Variants in CACNA1D observed in about 807,000 individuals in gnomAD.
The protein encoded by CACNA1D is voltage-dependent L-type calcium channel subunit alpha-1D.
A neutral mutation model predicts 257.1 loss-of-function variants in CACNA1D; 55 were observed. That is an observed-to-expected ratio of 0.21 (90% CI 0.17 to 0.27). The LOEUF (loss-of-function observed/expected upper bound fraction) is 0.27, where lower values mean the gene tolerates loss of function less well. Ranked by LOEUF, CACNA1D falls within the 10% of genes least tolerant of loss-of-function variation. CACNA1D has a pLI of 1.00. For missense variants in CACNA1D, 1,876 were observed against 2,784.0 expected (o/e 0.67, Z 7.34); for synonymous variants, 980 against 1,014.9 (o/e 0.97, Z 0.65).
intron 3 of CACNA1D, among the ~76,000 whole-genome samples, chr3:53,599,018 T>C (rs1249063769): frequency 6.6e-6 from 1 of 151,958 alleles, no homozygotes; most frequent in Non-Finnish European, 1.5e-5. Flanking sequence ...GTGTGCCTTT[T>C]TTTTTTTTAA....
At position 53,703,307 on chromosome 3, in the gene CACNA1D, A is replaced by C. The variant is rs532609499; in HGVS notation, c.1390+497A>C. 3.9e-5 allele frequency among the ~76,000 whole-genome samples: 6 copies of C among 152,310 alleles called. No homozygotes were observed. In the East Asian group the frequency reaches 7.7e-4, roughly 20 times the overall value. On this transcript the variant is annotated intron_variant, in intron 9 of 47. Transcript: ENST00000350061. ...CTTAGCCCATCAGGGGCTGGGAGGA[A>C]ACCGGCTCACCATTCTAGGCAGGTG... is the stretch of plus-strand genomic sequence containing the variant.
At chr3:53,634,801 C>A (rs1193878251) in intron 3 of CACNA1D, among the ~76,000 whole-genome samples, 2 of 152,122 alleles carry the variant, frequency 1.3e-5, no homozygotes, top group Non-Finnish European at 2.9e-5. Context: ...GATGAGGAGA[C>A]CGTTGCTTGG....
At chr3:53,680,280 G>A (rs1450290703) in intron 8 of CACNA1D, among the ~76,000 whole-genome samples, 4 of 152,234 alleles carry the variant, frequency 2.6e-5, no homozygotes, top group African/African-American at 7.2e-5. Flanking sequence ...GCAGCCAGGC[G>A]CTAGCAACAG....
chr3:53,662,242 T>G (rs553861224), intron 5 of CACNA1D, among the ~76,000 whole-genome samples: 61 of 152,292 alleles, frequency 4.0e-4, no homozygotes, highest in Middle Eastern at 3.4e-3. Context: ...AAAGGTAAAT[T>G]TATTTCACAA....
intron 3 of CACNA1D, among the ~76,000 whole-genome samples, chr3:53,575,906 G>A (rs2093029873): frequency 6.6e-6 from 1 of 152,276 alleles, no homozygotes; most frequent in Non-Finnish European, 1.5e-5. Flanking sequence ...GTTAGAAATG[G>A]GAAGAATATT....
At chr3:53,632,507 T>C (rs1029035491) in intron 3 of CACNA1D, among the ~76,000 whole-genome samples, 2 of 152,264 alleles carry the variant, frequency 1.3e-5, no homozygotes, top group Non-Finnish European at 2.9e-5. Context: ...ACTTCTAATT[T>C]CCTTCAAGAA....
rs764538230 is a variant in CACNA1D at position 53,723,772 on chromosome 3, A to G, written c.1893-20A>G. On this transcript the variant is annotated intron_variant, in intron 13 of 47. Coordinates refer to ENST00000350061, the MANE Select transcript of CACNA1D (RefSeq NM_001128840.3). This position sits in a 1 kb window ranked among gnomAD's most constrained non-coding sequence, Gnocchi z 5.6. ...TCCTGCATGGGTGTTCTGAGCTGAC[A>G]CCCTCATCTTGACTTATAGGCACTG... The G allele has an allele frequency of 1.9e-6, 3 of 1,605,482 alleles. No homozygotes were observed. The South Asian group carries it at 3.3e-5, about 18-fold the overall frequency.
At chr3:53,805,343 T>C (rs949806381) in intron 45 of CACNA1D, 197 bp downstream of exon 45, 1 of 608,130 alleles carries the variant, frequency 1.6e-6, no homozygotes, top group African/African-American at 1.8e-5. Flanking sequence ...AGCTCTAGCC[T>C]CTTCAGTGCT....
rs1019853980 is a variant in CACNA1D at position 53,647,058 on chromosome 3, A to T, written c.484-3721A>T. ...AAATTTCACTGTTTAAAGAAGACACATCAGGTTTTAGAATTAGATTTCAGC... is the reference window on the plus strand; with the variant it reads ...AAATTTCACTGTTTAAAGAAGACACTTCAGGTTTTAGAATTAGATTTCAGC... On this transcript the variant is annotated intron_variant, in intron 3 of 47. Transcript: ENST00000350061. 1.6e-4 allele frequency among the ~76,000 whole-genome samples: 24 copies of T among 151,838 alleles called. No homozygotes were observed. In the South Asian group the frequency reaches 1.9e-3, roughly 12 times the overall value.
chr3:53,752,783 G>A (rs1157607397), intron 28 of CACNA1D, among the ~76,000 whole-genome samples: 1 of 152,208 alleles, frequency 6.6e-6, no homozygotes, highest in African/African-American at 2.4e-5. Flanking sequence ...GTCCTCAGGT[G>A]GCTCTCAGCA....
intron 8 of CACNA1D, among the ~76,000 whole-genome samples, chr3:53,677,335 G>A (rs2094386361): frequency 6.6e-6 from 1 of 152,218 alleles, no homozygotes; most frequent in Non-Finnish European, 1.5e-5. Flanking sequence ...TTCACTCTGG[G>A]ACTTCACTGA....
chr3:53,655,418 G>A (rs1305223351), intron 4 of CACNA1D, among the ~76,000 whole-genome samples: 4 of 152,164 alleles, frequency 2.6e-5, no homozygotes, highest in African/African-American at 9.7e-5. Flanking sequence ...GGATGAACTA[G>A]TTCACACTCC....
In CACNA1D at chr3:53,576,848, G is replaced by C. The variant is rs1046240172; in HGVS notation, c.484-73931G>C. The stretch of plus-strand genomic sequence containing the variant: ...CATGCTGATTCATTTGATTCACTAA[G>C]TAGAATTGATAAATGCCTACATTGT... On this transcript the variant is annotated intron_variant, in intron 3 of 47. Transcript: ENST00000350061. Among the ~76,000 whole-genome samples the C allele has an allele frequency of 8.5e-5, 13 of 152,336 alleles. No homozygotes were observed. The East Asian group carries it at 2.3e-3, about 27-fold the overall frequency.
rs1235160003 is a variant in CACNA1D at position 53,776,584 on chromosome 3, T to C, written c.4363-19T>C. ...TCCAGCTGCAGCTGAAGTTCTTCCT[T>C]TCCTATTTGCTTTTTCAGATCATCA... On this transcript the variant is annotated intron_variant, in intron 35 of 47. Transcript: ENST00000350061. 6.2e-7 allele frequency: 1 copy of C among 1,614,110 alleles called. No homozygotes were observed. The highest frequency in any genetic ancestry group is 2.2e-5 in the East Asian group (1 of 44,888).
At chr3:53,564,231 G>T (rs2092793483) in intron 3 of CACNA1D, among the ~76,000 whole-genome samples, 1 of 152,070 alleles carries the variant, frequency 6.6e-6, no homozygotes, top group South Asian at 2.1e-4. Flanking sequence ...CATAATCTCA[G>T]CTCATTTCAA....
In CACNA1D at chr3:53,735,425, C is replaced by T; in HGVS notation, c.2673C>T (p.Leu891=). 6.2e-7 allele frequency: 1 copy of T among 1,614,100 alleles called. No homozygotes were observed. Among genetic ancestry groups the T allele is most frequent in the Non-Finnish European group, 8.5e-7 (1 of 1,179,902 alleles). Residue 891 remains leucine, a synonymous_variant, in exon 20 of 48, where the codon CTC becomes CTT. Transcript: ENST00000350061. ...KLINHHIFTN[L]ILVFIMLSSA... Reference sequence around the variant, plus strand: ...TCAACCACCACATCTTCACCAACCTCATCCTTGTCTTCATCATGCTGAGCA... The same window carrying T: ...TCAACCACCACATCTTCACCAACCTTATCCTTGTCTTCATCATGCTGAGCA...
intron 7 of CACNA1D, among the ~76,000 whole-genome samples, chr3:53,667,865 A>G (rs1180627421): frequency 5.3e-5 from 8 of 150,752 alleles, no homozygotes; most frequent in Non-Finnish European, 8.9e-5. Flanking sequence ...GTGTATGCAC[A>G]TCTGTTATTT....
chr3:53,601,011 G>C (rs1301465155), intron 3 of CACNA1D, among the ~76,000 whole-genome samples: 1 of 152,152 alleles, frequency 6.6e-6, no homozygotes. Context: ...TCCACAGTAC[G>C]TTGTAAGTTT....
chr3:53,805,988 CG>C (rs1461520586), intron 45 of CACNA1D, among the ~76,000 whole-genome samples: 4 of 30,722 alleles, frequency 1.3e-4, no homozygotes, highest in South Asian at 1.4e-3. Flanking sequence ...CCTCCTCCTC[CG>C]TTCCTCCCTC....
Sources: allele counts gnomAD v4.1 joint callset (sites outside exome capture counted in the v4.1 genomes callset), GRCh38; gene constraint gnomAD v4.1.1; non-coding constraint Gnocchi (gnomAD v3.1); transcripts MANE v1.5; gene names NCBI Gene and HGNC (gene_info 2026-07-23, HGNC 2026-07-21).